The following VAV2 variants were observed in gnomAD, a reference collection of about 807,000 sequenced individuals.
VAV2 encodes the protein vav guanine nucleotide exchange factor 2, also known as guanine nucleotide exchange factor VAV2.
Under a neutral mutation model 132.5 loss-of-function variants are expected in VAV2, and 67 were observed. The observed-to-expected ratio is 0.51, with a 90% CI of 0.42 to 0.62. The LOEUF (loss-of-function observed/expected upper bound fraction) is 0.62, where lower values mean the gene tolerates loss of function less well. VAV2 is among the 20% of genes least tolerant of loss of function. The probability of loss-of-function intolerance (pLI) is 0.00; values close to 1 mark genes in which losing one functional copy is unlikely to be tolerated. For missense variants in VAV2, 938 were observed against 1,153.6 expected, an observed-to-expected ratio of 0.81 and a Z score of 2.71; for synonymous variants, 492 against 443.5, an observed-to-expected ratio of 1.11 and a Z score of -1.37.
intron 4 of VAV2, among the ~76,000 whole-genome samples, chr9:133,820,635 A>G (rs1203383705): frequency 6.6e-6 from 1 of 152,092 alleles, no homozygotes; most frequent in Non-Finnish European, 1.5e-5. Context: ...TCCATAAACA[A>G]GTTTCTTGCA....
chr9:133,764,212 G>C, intron 29 of VAV2, 103 bp from the exon 30 acceptor site: 1 of 1,463,970 alleles, frequency 6.8e-7, no homozygotes, highest in Admixed American at 1.8e-5. Context: ...TCATGAAGAT[G>C]GGGGGCCCTT....
intron 2 of VAV2, among the ~76,000 whole-genome samples, chr9:133,861,773 C>CA (rs1837606086): frequency 6.6e-6 from 1 of 152,184 alleles, no homozygotes; most frequent in Non-Finnish European, 1.5e-5. Context: ...AGGGCTCACT[C>CA]ATCCCATGCT....
rs575259950 is a variant in VAV2, at chr9:133,794,526, C to T, written c.1101+1142G>A. On this transcript the variant is annotated intron_variant, in intron 12 of 29. Coordinates refer to ENST00000371850, the MANE Select transcript of VAV2 (RefSeq NM_001134398.2). This position sits in a 1 kb window ranked among gnomAD's most constrained non-coding sequence, Gnocchi z 4.6. ...GCCCAACAGCAGCTATAGACAGAGA[C>T]AGATTACAGCCCCTCCCCCACCCAG... Among the ~76,000 whole-genome samples the T allele has an allele frequency of 4.2e-4, 64 of 152,322 alleles. 1 individual carries two copies. Among genetic ancestry groups the T allele is most frequent in the Non-Finnish European group, 1.9e-4 (13 of 68,034 alleles).
chr9:133,855,702 G>T (rs562551546), intron 3 of VAV2, among the ~76,000 whole-genome samples: 3 of 152,322 alleles, frequency 2.0e-5, no homozygotes, highest in Admixed American at 2.0e-4. Context: ...GAAATGCGAG[G>T]TCACTGCTTC....
chr9:133,776,131 G>A, intron 23 of VAV2, 51 bp from the exon 24 acceptor site: 1 of 1,602,840 alleles, frequency 6.2e-7, no homozygotes. Context: ...CACTCACAGA[G>A]CAGGGCTCAG....
chr9:133,988,788 T>C (rs1479184474), intron 1 of VAV2, among the ~76,000 whole-genome samples: 1 of 148,950 alleles, frequency 6.7e-6, no homozygotes, highest in East Asian at 2.0e-4. Flanking sequence ...TGGGTGTGGG[T>C]GGGGCACTGT....
intron 18 of VAV2, among the ~76,000 whole-genome samples, chr9:133,783,876 CGTTTTTTTTT>C (rs1834111547): frequency 8.0e-6 from 1 of 124,974 alleles, no homozygotes; most frequent in Non-Finnish European, 1.6e-5. Flanking sequence ...TTGGCTGGGC[CGTTTTTTTTT>C]TTTTTTTTTT....
intron 2 of VAV2, among the ~76,000 whole-genome samples, chr9:133,933,965 T>TG (rs1840805959): frequency 7.1e-6 from 1 of 140,574 alleles, no homozygotes; most frequent in African/African-American, 2.7e-5. Flanking sequence ...GATGGATGGA[T>TG]GAATGGATGG....
At chr9:133,806,305 G>T in intron 8 of VAV2, 124 bp from the exon 9 acceptor site, 2 of 810,830 alleles carry the variant, frequency 2.5e-6, no homozygotes, top group African/African-American at 1.7e-5. Flanking sequence ...CGGGTGCTGG[G>T]CCTGCACCCC....
At chr9:133,957,879 T>G (rs1316156011) in intron 1 of VAV2, among the ~76,000 whole-genome samples, 2 of 151,780 alleles carry the variant, frequency 1.3e-5, no homozygotes, top group African/African-American at 4.8e-5. Context: ...AAAATTCTTC[T>G]GCCTTGAGAT....
chr9:133,967,429 G>C (rs1435072465), intron 1 of VAV2, among the ~76,000 whole-genome samples: 1 of 152,172 alleles, frequency 6.6e-6, no homozygotes, highest in African/African-American at 2.4e-5. Context: ...AAGGAAATCA[G>C]TGTTTGAGAT....
At chr9:133,807,504 G>A (rs1835196423) in intron 7 of VAV2, among the ~76,000 whole-genome samples, 178 bp from the exon 8 acceptor site, 1 of 152,230 alleles carries the variant, frequency 6.6e-6, no homozygotes, top group African/African-American at 2.4e-5. Flanking sequence ...TGAGTGCAGG[G>A]CAGGAAGGTG....
At chr9:133,808,829 C>T (rs956147028) in intron 7 of VAV2, among the ~76,000 whole-genome samples, 3 of 152,298 alleles carry the variant, frequency 2.0e-5, no homozygotes, top group Middle Eastern at 3.4e-3. Context: ...AGGCGCAGGC[C>T]GGGACTTCAG....
rs942704683 is a variant in VAV2 at position 133,926,803 on chromosome 9, T to A, written c.321+12300A>T. 6.6e-6 allele frequency among the ~76,000 whole-genome samples: 1 copy of A among 152,136 alleles called. No homozygotes were observed. Among genetic ancestry groups the A allele is most frequent in the African/African-American group, 2.4e-5 (1 of 41,430 alleles). ...GGCTCCCTGTCTTCCCAGGCTCCGA[T>A]CATCTGAGGCTGCATGTCCTGGCAC... On this transcript the variant is annotated intron_variant, in intron 2 of 29. Transcript: ENST00000371850. This position sits in a 1 kb window ranked among gnomAD's most constrained non-coding sequence, Gnocchi z 4.3.
At chr9:133,952,960 G>A (rs1255159207) in intron 1 of VAV2, among the ~76,000 whole-genome samples, 2 of 148,538 alleles carry the variant, frequency 1.3e-5, no homozygotes, top group African/African-American at 5.0e-5. Context: ...CCTGGAGGGA[G>A]CATGGCCCCC....
Position 133,788,250 on chromosome 9 carries a change from A to T in VAV2, c.1407+104T>A. On this transcript the variant is annotated intron_variant, in intron 15 of 29. Transcript: ENST00000371850. The surrounding 1 kb of genome is among the most constrained non-coding windows in gnomAD (Gnocchi z 5.3). ...CACCCCAACCCACCCGGCCAGCATC[A>T]GCGGCTGACTTCGAGTCCCCTTCCC... 1.9e-6 allele frequency: 2 copies of T among 1,041,416 alleles called. No individual in the cohort carries two copies. Among genetic ancestry groups the T allele is most frequent in the South Asian group, 2.9e-5 (2 of 69,314 alleles). 64.5% of individuals were successfully genotyped at this position (1,041,416 alleles called of 1,614,324 possible). A position where few individuals can be genotyped will look rare whatever the true frequency, so the allele number is the denominator to read the frequency against.
chr9:133,911,058 T>C (rs1424452299), intron 2 of VAV2, among the ~76,000 whole-genome samples: 1 of 152,080 alleles, frequency 6.6e-6, no homozygotes, highest in Admixed American at 6.5e-5. Flanking sequence ...CCAGGCTACA[T>C]GGGCTGCAGG....
chr9:133,913,624 A>G (rs1328058600), intron 2 of VAV2, among the ~76,000 whole-genome samples: 1 of 152,212 alleles, frequency 6.6e-6, no homozygotes, highest in East Asian at 1.9e-4. Flanking sequence ...TAGGTGCACA[A>G]TCGACACTCA....
chr9:133,941,125 C>T (rs566222085), intron 1 of VAV2, among the ~76,000 whole-genome samples: 5 of 152,168 alleles, frequency 3.3e-5, no homozygotes, highest in East Asian at 1.9e-4. Flanking sequence ...GTGGCTAGTC[C>T]GGCTGGGCGC....
Sources: gnomAD v4.1 joint callset for allele counts (sites outside exome capture counted in the v4.1 genomes callset) on GRCh38, gnomAD v4.1.1 for gene constraint, Gnocchi (gnomAD v3.1) non-coding constraint, MANE v1.5 for transcripts, NCBI Gene and HGNC (gene_info 2026-07-23, HGNC 2026-07-21) for gene names.